KIAA1217: variants seen among roughly 807,000 people sequenced by gnomAD.
The protein encoded by KIAA1217 is sickle tail protein homolog.
KIAA1217 carries 88 observed loss-of-function variants against 163.9 expected under a neutral mutation model. The observed-to-expected ratio is 0.54, with a 90% CI of 0.45 to 0.64. KIAA1217 has a LOEUF of 0.64. Among genes scored for constraint, KIAA1217 ranks in the 30% least tolerant of loss-of-function variants. The pLI, the probability that KIAA1217 is intolerant of heterozygous loss-of-function variation, is 0.00. For missense variants in KIAA1217, 2,372 were observed against 2,475.0 expected (o/e 0.96, Z 0.88); for synonymous variants, 903 against 923.1 (o/e 0.98, Z 0.39).
At chr10:23,724,032 G>A (rs891466099) in intron 1 of KIAA1217, among the ~76,000 whole-genome samples, 3 of 152,068 alleles carry the variant, frequency 2.0e-5, no homozygotes, top group African/African-American at 4.8e-5. Flanking sequence ...AAAGCAAGCG[G>A]GGAGATGCTA....
chr10:24,278,390 G>C lies in KIAA1217; in HGVS notation c.354+58481G>C, dbSNP rs998806605. 3.3e-5 allele frequency among the ~76,000 whole-genome samples: 5 copies of C among 152,322 alleles called. No homozygotes were observed. The Middle Eastern group carries it at 0.01, about 311-fold the overall frequency. ...CAGACCCGGTTTTGAATTTACTCAT[G>C]AGCTGTGTGGCTTAGAGAAAGCTGT... On this transcript the variant is annotated intron_variant, in intron 2 of 20. Coordinates refer to ENST00000376454, the MANE Select transcript of KIAA1217 (RefSeq NM_019590.5).
chr10:24,034,524 C>T (rs2131544100), intron 2 of KIAA1217, among the ~76,000 whole-genome samples: 1 of 147,328 alleles, frequency 6.8e-6, no homozygotes, highest in East Asian at 2.0e-4. Context: ...GAGCACACCA[C>T]TGCATTCCAG....
intron 2 of KIAA1217, among the ~76,000 whole-genome samples, chr10:24,378,075 T>A (rs1426645395): frequency 2.6e-5 from 4 of 152,188 alleles, no homozygotes; most frequent in African/African-American, 7.2e-5. Flanking sequence ...TCGCTTTATT[T>A]TTTTTCTCTG....
intron 8 of KIAA1217, among the ~76,000 whole-genome samples, chr10:24,497,732 A>G (rs1171293473): frequency 6.6e-6 from 1 of 151,886 alleles, no homozygotes; most frequent in African/African-American, 2.4e-5. Flanking sequence ...AAAAAAAAAA[A>G]AAAAGTGACA....
intron 2 of KIAA1217, among the ~76,000 whole-genome samples, chr10:24,340,724 G>T (rs11592861): frequency 0.37 from 56,146 of 152,022 alleles, 10,510 homozygotes; most frequent in African/African-American, 0.39. Context: ...GTTTTCTTCT[G>T]CTTTAAACTG....
intron 2 of KIAA1217, among the ~76,000 whole-genome samples, chr10:24,038,396 G>A (rs369974515): frequency 2.6e-5 from 4 of 152,232 alleles, no homozygotes; most frequent in African/African-American, 9.6e-5. Flanking sequence ...GAGTGACAGG[G>A]GATACATTTA....
At chr10:23,718,696 CT>C (rs1186043827) in intron 1 of KIAA1217, among the ~76,000 whole-genome samples, 1 of 151,760 alleles carries the variant, frequency 6.6e-6, no homozygotes, top group Non-Finnish European at 1.5e-5. Flanking sequence ...TAGGATTTCT[CT>C]TTGTTAAAAA....
chr10:24,169,295 G>T (rs967167390), intron 2 of KIAA1217, among the ~76,000 whole-genome samples: 2 of 152,168 alleles, frequency 1.3e-5, no homozygotes, highest in Non-Finnish European at 2.9e-5. Flanking sequence ...TTTGGCCCAT[G>T]CCCGTTCTTC....
At chr10:24,170,206 A>G (rs1408587847) in intron 2 of KIAA1217, among the ~76,000 whole-genome samples, 3 of 152,188 alleles carry the variant, frequency 2.0e-5, no homozygotes, top group Non-Finnish European at 2.9e-5. Flanking sequence ...TCTACATTCA[A>G]TATTTTGCAG....
chr10:24,393,911 GTCT>G (rs2055349722), intron 3 of KIAA1217, among the ~76,000 whole-genome samples: 4 of 152,274 alleles, frequency 2.6e-5, no homozygotes, highest in African/African-American at 9.6e-5. Flanking sequence ...GGGGACTCCT[GTCT>G]TCTTCTTTCG....
intron 2 of KIAA1217, among the ~76,000 whole-genome samples, chr10:24,309,055 G>A (rs1349372221): frequency 4.6e-5 from 7 of 150,904 alleles, no homozygotes; most frequent in African/African-American, 1.5e-4. Context: ...CCCAGGAGGC[G>A]GAGGTTGCAG....
chr10:23,894,153 G>C, intron 1 of KIAA1217, among the ~76,000 whole-genome samples: 1 of 149,276 alleles, frequency 6.7e-6, no homozygotes, highest in African/African-American at 2.4e-5. Context: ...AATTAGGCAG[G>C]AGAAGGAAAT....
intron 2 of KIAA1217, among the ~76,000 whole-genome samples, chr10:24,011,908 T>A (rs1847251273): frequency 6.6e-6 from 1 of 152,166 alleles, no homozygotes; most frequent in Admixed American, 6.5e-5. Context: ...CCCCATAACA[T>A]CTGTGAAGAT....
At chr10:24,210,233 C>T (rs1240951819) in intron 1 of KIAA1217, among the ~76,000 whole-genome samples, 3 of 152,132 alleles carry the variant, frequency 2.0e-5, no homozygotes, top group African/African-American at 4.8e-5. Flanking sequence ...GACTCATCCA[C>T]GCTGAAAATG....
chr10:24,369,662 C>T (rs1030917180), intron 2 of KIAA1217, among the ~76,000 whole-genome samples: 1 of 152,180 alleles, frequency 6.6e-6, no homozygotes, highest in Non-Finnish European at 1.5e-5. Flanking sequence ...GTGTACTTAG[C>T]ACCATGTTTT....
intron 2 of KIAA1217, among the ~76,000 whole-genome samples, chr10:24,359,816 A>G (rs1051766790): frequency 6.6e-6 from 1 of 152,030 alleles, no homozygotes; most frequent in Non-Finnish European, 1.5e-5. Flanking sequence ...TTGAGGCTTT[A>G]TATTTTATTA....
intron 2 of KIAA1217, among the ~76,000 whole-genome samples, chr10:24,038,751 T>C (rs1390989278): frequency 7.5e-6 from 1 of 133,796 alleles, no homozygotes; most frequent in Non-Finnish European, 1.6e-5. Flanking sequence ...GAATTGCTTT[T>C]TTTTTTTTTT....
intron 2 of KIAA1217, among the ~76,000 whole-genome samples, chr10:24,017,036 TTTTG>T (rs1299199563): frequency 1.0e-5 from 1 of 98,798 alleles, no homozygotes; most frequent in Admixed American, 1.1e-4. Flanking sequence ...TAGTTAGTTT[TTTTG>T]TTTTTTTTTT....
At chr10:24,385,343 G>A (rs186463941) in intron 3 of KIAA1217, among the ~76,000 whole-genome samples, 10 of 152,348 alleles carry the variant, frequency 6.6e-5, no homozygotes, top group African/African-American at 2.2e-4. Flanking sequence ...TTCGCAAATG[G>A]TGTTAAAAGA....
Sources: gnomAD v4.1 joint callset for allele counts (sites outside exome capture counted in the v4.1 genomes callset) on GRCh38, gnomAD v4.1.1 for gene constraint, MANE v1.5 for transcripts, NCBI Gene and HGNC (gene_info 2026-07-23, HGNC 2026-07-21) for gene names.